DPYS: variants seen among roughly 807,000 people sequenced by gnomAD.
The protein encoded by DPYS is dihydropyrimidine amidohydrolase.
A neutral mutation model predicts 50.3 loss-of-function variants in DPYS; 39 were observed. That is an observed-to-expected ratio of 0.78 (90% confidence interval 0.60 to 1.01). The LOEUF (loss-of-function observed/expected upper bound fraction) is 1.01. Among genes scored for constraint, DPYS ranks in the 50% least tolerant of loss-of-function variants. The pLI, the probability that DPYS is intolerant of heterozygous loss-of-function variation, is 0.00. For missense variants in DPYS, 659 were observed against 680.9 expected (o/e 0.97, Z 0.36); for synonymous variants, 245 against 250.7 (o/e 0.98, Z 0.22).
intron 7 of DPYS, among the ~76,000 whole-genome samples, chr8:104,422,930 A>G (rs916397017): frequency 6.6e-6 from 1 of 152,178 alleles, no homozygotes; most frequent in Non-Finnish European, 1.5e-5. Flanking sequence ...AACAAGCAAA[A>G]TCCAAGCAAT....
intron 7 of DPYS, among the ~76,000 whole-genome samples, chr8:104,401,107 G>A (rs1420398020): frequency 6.6e-6 from 1 of 152,048 alleles, no homozygotes; most frequent in African/African-American, 2.4e-5. Flanking sequence ...CAGGCACTTT[G>A]GCCTTGGAAC....
At chr8:104,437,649 C>A (rs1813197261) in intron 4 of DPYS, among the ~76,000 whole-genome samples, 1 of 152,108 alleles carries the variant, frequency 6.6e-6, no homozygotes, top group African/African-American at 2.4e-5. Context: ...CATAGAAATA[C>A]CCAATCAGCA....
chr8:104,424,348 G>A lies in DPYS; in HGVS notation c.1134C>T (p.Thr378=). The change falls in exon 7 of 10, where the codon ACC becomes ACT. Residue 378 remains threonine, a synonymous_variant. Coordinates refer to ENST00000351513, the MANE Select transcript of DPYS (RefSeq NM_001385.3). ...KMDENRFVAV[T]STNAAKIFNL... ...TAAAAATTTTGGCTGCATTTGTGCTGGTAACTGCCACAAATCTGTTTTCAT... is the reference window on the plus strand; with the variant it reads ...TAAAAATTTTGGCTGCATTTGTGCTAGTAACTGCCACAAATCTGTTTTCAT... The A allele has an allele frequency of 1.2e-6, 2 of 1,613,928 alleles. No individual in the cohort carries two copies. Among genetic ancestry groups the A allele is most frequent in the Non-Finnish European group, 1.7e-6 (2 of 1,179,978 alleles).
At chr8:104,442,686 A>T (rs1261875292) in intron 4 of DPYS, among the ~76,000 whole-genome samples, 1 of 152,246 alleles carries the variant, frequency 6.6e-6, no homozygotes, top group Non-Finnish European at 1.5e-5. Context: ...ACATTTTAAA[A>T]GTGCACACAG....
Position 104,466,852 on chromosome 8 carries a change from G to A in DPYS, c.69C>T (p.Ala23=). 6.5e-7 allele frequency: 1 copy of A among 1,531,396 alleles called. No individual in the cohort carries two copies. The highest frequency in any genetic ancestry group is 2.5e-5 in the East Asian group (1 of 40,500). 94.9% of individuals were successfully genotyped at this position (1,531,396 alleles called of 1,614,324 possible). A position where few individuals can be genotyped will look rare whatever the true frequency, so the allele number is the denominator to read the frequency against. The change falls in exon 1 of 10, where the codon GCC becomes GCT. Residue 23 remains alanine, a synonymous_variant. Coordinates refer to ENST00000351513, the MANE Select transcript of DPYS (RefSeq NM_001385.3). ...CCACGCCGTCCTCCACCAGCACGTC[G>A]GCCACCTCCGAGAAGTCATCGTTGA... ...RVVNDDFSEV[A]DVLVEDGVVR... is the part of the protein sequence containing the mutation.
chr8:104,433,873 A>G (rs1176961028), intron 4 of DPYS, among the ~76,000 whole-genome samples: 1 of 152,216 alleles, frequency 6.6e-6, no homozygotes, highest in Non-Finnish European at 1.5e-5. Context: ...TATGGGAGAC[A>G]GAGTTTACAT....
intron 7 of DPYS, among the ~76,000 whole-genome samples, chr8:104,415,060 A>G (rs1812319808): frequency 6.6e-6 from 1 of 152,256 alleles, no homozygotes; most frequent in Non-Finnish European, 1.5e-5. Context: ...TAAAGTTCAG[A>G]CAAAAATGTT....
chr8:104,448,213 T>G (rs780343112), intron 2 of DPYS, among the ~76,000 whole-genome samples: 3 of 151,170 alleles, frequency 2.0e-5, no homozygotes, highest in African/African-American at 7.3e-5. Context: ...TGGAGTGCAG[T>G]GGCATGATCT....
intron 8 of DPYS, among the ~76,000 whole-genome samples, chr8:104,381,619 C>G: frequency 6.6e-6 from 1 of 152,178 alleles, no homozygotes. Flanking sequence ...AACATCCGAC[C>G]TTTTCTTCTA....
chr8:104,422,010 C>A (rs554598035), intron 7 of DPYS, among the ~76,000 whole-genome samples: 1 of 152,260 alleles, frequency 6.6e-6, no homozygotes, highest in African/African-American at 2.4e-5. Flanking sequence ...TTATTCACAA[C>A]CTTAGGTTCA....
intron 1 of DPYS, among the ~76,000 whole-genome samples, chr8:104,458,665 A>C (rs768139743): frequency 1.8e-4 from 27 of 152,212 alleles, no homozygotes; most frequent in Non-Finnish European, 3.1e-4. Context: ...GAGATGGAAT[A>C]ATTATGATGG....
At chr8:104,424,494 A>C (rs1812654481) in intron 6 of DPYS, 105 bp from the exon 7 acceptor site, 1 of 1,188,182 alleles carries the variant, frequency 8.4e-7, no homozygotes, top group African/African-American at 1.5e-5. Context: ...ACTGCACCTA[A>C]TTTCTTATAT....
intron 1 of DPYS, among the ~76,000 whole-genome samples, chr8:104,454,743 T>C (rs1223097036): frequency 6.6e-6 from 1 of 152,210 alleles, no homozygotes. Context: ...TAAAATTTGC[T>C]AAGCTCCCTA....
intron 7 of DPYS, among the ~76,000 whole-genome samples, chr8:104,400,719 C>G (rs1002987650): frequency 6.6e-6 from 1 of 152,226 alleles, no homozygotes; most frequent in Non-Finnish European, 1.5e-5. Context: ...ATGAAAGAGG[C>G]ACATCTTGCT....
chr8:104,406,727 G>C (rs1201163195), intron 7 of DPYS, among the ~76,000 whole-genome samples: 1 of 152,226 alleles, frequency 6.6e-6, no homozygotes, highest in Non-Finnish European at 1.5e-5. Context: ...GCCTTGCAGA[G>C]AGTCCAGTCC....
intron 7 of DPYS, among the ~76,000 whole-genome samples, chr8:104,410,360 G>A (rs1031655851): frequency 8.5e-5 from 13 of 152,086 alleles, no homozygotes; most frequent in Admixed American, 7.9e-4. Flanking sequence ...CAGCCGACAG[G>A]CCTAGACACA....
chr8:104,390,211 C>T (rs977345635), intron 8 of DPYS, among the ~76,000 whole-genome samples: 3 of 152,160 alleles, frequency 2.0e-5, no homozygotes, highest in Non-Finnish European at 4.4e-5. Context: ...CTAAATCCAC[C>T]CTCTATGTTC....
chr8:104,418,743 C>T (rs889406167), intron 7 of DPYS: 5 of 152,392 alleles, frequency 3.3e-5, no homozygotes, highest in African/African-American at 1.2e-4. Flanking sequence ...ATGTCGATGA[C>T]TGCTCTAACT....
intron 3 of DPYS, among the ~76,000 whole-genome samples, chr8:104,445,940 G>C (rs1232888797): frequency 1.3e-5 from 2 of 152,174 alleles, no homozygotes; most frequent in Admixed American, 1.3e-4. Context: ...AGCTACTCGG[G>C]AGGCTGAGGC....
Sources: allele counts gnomAD v4.1 joint callset (sites outside exome capture counted in the v4.1 genomes callset), GRCh38; gene constraint gnomAD v4.1.1; transcripts MANE v1.5; gene names NCBI Gene and HGNC (gene_info 2026-07-23, HGNC 2026-07-21).